The following ABCB11 variants were observed in gnomAD, a reference collection of about 807,000 sequenced individuals.
The protein encoded by ABCB11 is bile salt export pump.
A neutral mutation model predicts 148.0 loss-of-function variants in ABCB11; 95 were observed. The observed-to-expected ratio is 0.64, with a 90% CI of 0.54 to 0.76. The LOEUF is 0.76. Ranked by LOEUF, ABCB11 falls within the 30% of genes least tolerant of loss-of-function variation. The pLI, the probability that ABCB11 is intolerant of heterozygous loss-of-function variation, is 0.00. For synonymous variants in ABCB11, 591 were observed against 555.4 expected (o/e 1.06, Z -0.90); for missense variants, 1,523 against 1,617.8 (o/e 0.94, Z 1.01).
At chr2:168,969,128 A>G (rs1465467778) in intron 16 of ABCB11, among the ~76,000 whole-genome samples, 1 of 148,748 alleles carries the variant, frequency 6.7e-6, no homozygotes, top group African/African-American at 2.5e-5. Context: ...AAAAAAAAAA[A>G]AAAGGGGGGG....
At chr2:168,919,188 C>A (rs191478298), downstream of ABCB11, among the ~76,000 whole-genome samples, 3 of 23,838 alleles carry the variant, frequency 1.3e-4, no homozygotes, top group African/African-American at 5.8e-4. Flanking sequence ...TGCTTTAGAT[C>A]AGTATTAAGC....
At chr2:169,019,510 C>G (rs993897586) in intron 1 of ABCB11, among the ~76,000 whole-genome samples, 10 of 152,170 alleles carry the variant, frequency 6.6e-5, no homozygotes, top group African/African-American at 2.4e-4. Flanking sequence ...CAGGTATACA[C>G]AAGTCCTACA....
chr2:168,922,697 A>G lies in ABCB11; in HGVS notation c.*925T>C, dbSNP rs1691122173. On this transcript the variant is annotated 3_prime_UTR_variant, in exon 28 of 28. Transcript: ENST00000650372. The stretch of plus-strand genomic sequence containing the variant: ...GTAGATTCCTGCCGCCTTTAGTTCT[A>G]TGTCATTCTGTGGTGTTTTGAGGGA... Among the ~76,000 whole-genome samples the G allele has an allele frequency of 1.3e-5, 2 of 152,196 alleles. No homozygotes were observed. The highest frequency in any genetic ancestry group is 4.2e-4 in the South Asian group (2 of 4,816).
chr2:168,951,450 C>A (rs1692566381), intron 19 of ABCB11, among the ~76,000 whole-genome samples: 1 of 151,388 alleles, frequency 6.6e-6, no homozygotes, highest in Admixed American at 6.6e-5. Context: ...TTGTGGTCCT[C>A]CTTAGGGAGA....
At chr2:168,929,131 T>C (rs149854463) in intron 25 of ABCB11, among the ~76,000 whole-genome samples, 639 of 152,280 alleles carry the variant, frequency 4.2e-3, no homozygotes, top group Non-Finnish European at 6.6e-3. Flanking sequence ...TAATCAAGTA[T>C]GAAGCAAAAC....
intron 8 of ABCB11, among the ~76,000 whole-genome samples, chr2:168,991,176 A>G (rs1243193612): frequency 6.6e-6 from 1 of 152,166 alleles, no homozygotes; most frequent in East Asian, 1.9e-4. Flanking sequence ...TAAATTCCAA[A>G]TAGGACATTC....
chr2:168,997,864 C>G (rs1694763051), intron 5 of ABCB11, among the ~76,000 whole-genome samples: 1 of 151,956 alleles, frequency 6.6e-6, no homozygotes, highest in Non-Finnish European at 1.5e-5. Context: ...AGGTCAAGGG[C>G]TGGGCTTACA....
At chr2:168,947,764 AACG>A (rs1692393322) in intron 19 of ABCB11, among the ~76,000 whole-genome samples, 1 of 151,666 alleles carries the variant, frequency 6.6e-6, no homozygotes, top group Non-Finnish European at 1.5e-5. Context: ...TGAGAACAAG[AACG>A]ACGAGTAGAC....
chr2:169,017,020 A>ACACACACG (rs1008183809), intron 2 of ABCB11, among the ~76,000 whole-genome samples: 8 of 148,854 alleles, frequency 5.4e-5, no homozygotes, highest in African/African-American at 2.0e-4. Flanking sequence ...ACACACACAC[A>ACACACACG]CACGAAGACA....
rs138350620 is a variant in ABCB11 at position 169,004,100 on chromosome 2, G to A, written c.390-7378C>T. On this transcript the variant is annotated intron_variant, in intron 5 of 27. Coordinates refer to ENST00000650372, the MANE Select transcript of ABCB11 (RefSeq NM_003742.4). ...CTCTTAAGATTCTTTCCTTCATCTT[G>A]ACTTTAGATAATCTGATGACTATGT... Among the ~76,000 whole-genome samples the A allele has an allele frequency of 9.6e-3, 1,455 of 152,190 alleles. 26 individuals carry two copies. The highest frequency in any genetic ancestry group is 0.031 in the African/African-American group (1,293 of 41,532).
At chr2:168,961,041 C>A (rs1267554410) in intron 18 of ABCB11, among the ~76,000 whole-genome samples, 1 of 151,676 alleles carries the variant, frequency 6.6e-6, no homozygotes. Flanking sequence ...AGCTCTTGTT[C>A]ATTTTTGCAT....
At chr2:168,931,646 G>T (rs1354286406) in intron 24 of ABCB11, among the ~76,000 whole-genome samples, 1 of 152,220 alleles carries the variant, frequency 6.6e-6, no homozygotes, top group African/African-American at 2.4e-5. Flanking sequence ...ACAGGAAGAA[G>T]TGATTTTTCT....
In ABCB11 at chr2:168,935,269, T is replaced by C. The variant is rs1028421736; in HGVS notation, c.2971A>G (p.Ile991Val). 1 of 1,614,014 alleles carries C rather than the reference T, an allele frequency of 6.2e-7. No individual in the cohort carries two copies. Residue 991 changes from isoleucine to valine, a missense_variant, in exon 23 of 28, where the codon ATC becomes GTC. Physicochemically the swap from Ile to Val is conservative, Grantham distance 29. Coordinates refer to ENST00000650372, the MANE Select transcript of ABCB11 (RefSeq NM_003742.4). ...YGFCFAFAQC[I>V]MFIANSASYR... ...GAAGCAGAATTCGCAATAAACATGA[T>C]GCACTGGGCAAAGGCAAAGCAGAAT... is the stretch of plus-strand genomic sequence containing the variant.
chr2:168,973,036 C>G (rs1693656497), intron 13 of ABCB11, among the ~76,000 whole-genome samples: 1 of 151,920 alleles, frequency 6.6e-6, no homozygotes, highest in Admixed American at 6.6e-5. Flanking sequence ...ACTCATTTTT[C>G]TTAGTTTCTT....
intron 5 of ABCB11, among the ~76,000 whole-genome samples, chr2:169,009,220 A>G (rs1461736276): frequency 6.6e-6 from 1 of 152,160 alleles, no homozygotes; most frequent in East Asian, 1.9e-4. Flanking sequence ...CAGCCATCCC[A>G]TTACTGGGTA....
At chr2:169,011,704 G>T (rs995616480) in intron 5 of ABCB11, among the ~76,000 whole-genome samples, 5 of 152,064 alleles carry the variant, frequency 3.3e-5, no homozygotes, top group Non-Finnish European at 5.9e-5. Context: ...CTGAGATGGG[G>T]TCTCATTCTG....
chr2:168,967,168 G>T (rs924929172), intron 17 of ABCB11, among the ~76,000 whole-genome samples: 4 of 151,890 alleles, frequency 2.6e-5, no homozygotes, highest in African/African-American at 9.7e-5. Context: ...TGACTTGAAT[G>T]ATTTAAATTT....
chr2:168,978,427 T>G (rs978613415), intron 11 of ABCB11, among the ~76,000 whole-genome samples: 1 of 152,062 alleles, frequency 6.6e-6, no homozygotes, highest in Non-Finnish European at 1.5e-5. Context: ...TGAGCCACCA[T>G]GCCTGGCCAT....
In ABCB11 at chr2:168,922,491, G is replaced by A. The variant is rs1691110661; in HGVS notation, c.*1131C>T. On this transcript the variant is annotated 3_prime_UTR_variant, in exon 28 of 28. Transcript: ENST00000650372. ...TGTCTCCTCCTTCCAGAAGGATCCA[G>A]TGTTTTTACATCTTGAAACTTTCTA... Among the ~76,000 whole-genome samples the A allele has an allele frequency of 6.6e-6, 1 of 152,150 alleles. No homozygotes were observed. The highest frequency in any genetic ancestry group is 2.4e-5 in the African/African-American group (1 of 41,420).
Sources: allele counts gnomAD v4.1 joint callset (sites outside exome capture counted in the v4.1 genomes callset), GRCh38; gene constraint gnomAD v4.1.1; transcripts MANE v1.5; gene names NCBI Gene and HGNC (gene_info 2026-07-23, HGNC 2026-07-21).